PXYLP1: variants seen among roughly 807,000 people sequenced by gnomAD.
PXYLP1 encodes 2-phosphoxylose phosphatase 1, also known as acid phosphatase-like 2.
PXYLP1 carries 17 observed loss-of-function variants against 37.9 expected under a neutral mutation model. The observed-to-expected ratio is 0.45, with a 90% CI of 0.31 to 0.67. PXYLP1 has a LOEUF of 0.67. Ranked by LOEUF, PXYLP1 falls within the 30% of genes least tolerant of loss-of-function variation. The pLI is 0.07. For synonymous variants in PXYLP1, 221 were observed against 232.2 expected, an observed-to-expected ratio of 0.95 and a Z score of 0.44; for missense variants, 511 against 612.0, an observed-to-expected ratio of 0.84 and a Z score of 1.74.
At chr3:141,257,162 G>T (rs865810890) in intron 1 of PXYLP1, among the ~76,000 whole-genome samples, 1 of 152,180 alleles carries the variant, frequency 6.6e-6, no homozygotes, top group African/African-American at 2.4e-5. Context: ...AAGATTCAAG[G>T]CATTTCCCAT....
chr3:141,279,527 G>A, intron 4 of PXYLP1, 23 bp downstream of exon 4: 1 of 1,613,984 alleles, frequency 6.2e-7, no homozygotes, highest in Non-Finnish European at 8.5e-7. Context: ...TTTTCTAAAA[G>A]TCATTTTCAA....
At chr3:141,252,047 G>A (rs1396063229) in intron 1 of PXYLP1, among the ~76,000 whole-genome samples, 1 of 152,198 alleles carries the variant, frequency 6.6e-6, no homozygotes, top group Non-Finnish European at 1.5e-5. Flanking sequence ...TCACTTCATA[G>A]ATGAGGAAAC....
intron 1 of PXYLP1, among the ~76,000 whole-genome samples, chr3:141,233,529 T>C (rs1407876283): frequency 6.7e-6 from 1 of 150,070 alleles, no homozygotes; most frequent in South Asian, 2.1e-4. Flanking sequence ...CGGGACAGCC[T>C]GAAAGCCAGT....
At chr3:141,255,845 G>A (rs963802535) in intron 1 of PXYLP1, among the ~76,000 whole-genome samples, 1 of 152,228 alleles carries the variant, frequency 6.6e-6, no homozygotes, top group African/African-American at 2.4e-5. Context: ...CACAGTGCCA[G>A]AAAGAGCCAG....
chr3:141,236,868 CAT>C (rs1940669214), intron 1 of PXYLP1, among the ~76,000 whole-genome samples: 1 of 152,064 alleles, frequency 6.6e-6, no homozygotes. Context: ...AATCTTAAAA[CAT>C]AGATATAAAT....
chr3:141,260,116 T>G lies in PXYLP1; in HGVS notation c.-53-7T>G. 3 of 1,600,110 alleles carry G rather than the reference T, an allele frequency of 1.9e-6. No individual in the cohort carries two copies. The highest frequency in any genetic ancestry group is 2.6e-6 in the Non-Finnish European group (3 of 1,168,514). ...ACACTCATTTATCACCTCTGCTTTA[T>G]TCACAGGACATGTTCCCGATTTGAG... On this transcript the variant is annotated splice_polypyrimidine_tract_variant and splice_region_variant and intron_variant, in intron 1 of 5. Coordinates refer to ENST00000286353, the MANE Select transcript of PXYLP1 (RefSeq NM_001037172.3).
Position 141,275,292 on chromosome 3 carries a change from C to G in PXYLP1, c.80-3050C>G, listed in dbSNP as rs557474011. 5.9e-5 allele frequency among the ~76,000 whole-genome samples: 9 copies of G among 152,326 alleles called. No homozygotes were observed. The South Asian group carries it at 1.9e-3, about 32-fold the overall frequency. ...TGGGTGGGTCATTTGCACCCAACCA[C>G]CATGGTTCCCAAATGGCAGCCACAA... On this transcript the variant is annotated intron_variant, in intron 2 of 5. Transcript: ENST00000286353.
chr3:141,292,565 A>G lies in PXYLP1; in HGVS notation c.803A>G (p.Asn268Ser). Residue 268 changes from asparagine (N) to serine (S), a missense_variant, in exon 6 of 6, where the codon AAC (asparagine) becomes AGC (serine). Coordinates refer to ENST00000286353, the MANE Select transcript of PXYLP1 (RefSeq NM_001037172.3). This position sits in a 1 kb window ranked among gnomAD's most constrained non-coding sequence, Gnocchi z 4.3. ...CGTCAGTACCTCCTACGTTTGAAAA[A>G]CAGCCAGCTGGAGAAGACCTACGGG... is the stretch of plus-strand genomic sequence containing the variant. The part of the protein sequence containing the change: ...QRRQYLLRLK[N>S]SQLEKTYGEM... The G allele has an allele frequency of 6.2e-7, 1 of 1,614,118 alleles. No individual in the cohort carries two copies. Among genetic ancestry groups the G allele is most frequent in the Non-Finnish European group, 8.5e-7 (1 of 1,180,024 alleles).
intron 4 of PXYLP1, among the ~76,000 whole-genome samples, chr3:141,281,622 C>T (rs1035086669): frequency 9.2e-5 from 14 of 152,074 alleles, no homozygotes; most frequent in Admixed American, 7.2e-4. Context: ...GGGCATGAGC[C>T]AGAAGAGGGG....
At chr3:141,247,965 A>G (rs149377508) in intron 1 of PXYLP1, among the ~76,000 whole-genome samples, 307 of 151,288 alleles carry the variant, frequency 2.0e-3, no homozygotes, top group African/African-American at 7.2e-3. Flanking sequence ...TGTGTGTTTC[A>G]TTACAACTGT....
chr3:141,241,870 G>C (rs1401676514), intron 1 of PXYLP1, among the ~76,000 whole-genome samples: 1 of 152,148 alleles, frequency 6.6e-6, no homozygotes, highest in African/African-American at 2.4e-5. Context: ...GGCTGAGTAG[G>C]AGAGGGGCCC....
chr3:141,234,420 C>T (rs1940610777), intron 1 of PXYLP1: 1 of 152,262 alleles, frequency 6.6e-6, no homozygotes, highest in South Asian at 2.1e-4. Flanking sequence ...GCCCCAGTCC[C>T]CTTTAACATT....
intron 2 of PXYLP1, among the ~76,000 whole-genome samples, chr3:141,277,269 G>A (rs1214214075): frequency 4.6e-5 from 7 of 152,236 alleles, no homozygotes; most frequent in Admixed American, 3.3e-4. Context: ...TCGTGCGCAT[G>A]TGTAGATATT....
At chr3:141,271,189 G>A (rs1454171878) in intron 2 of PXYLP1, among the ~76,000 whole-genome samples, 1 of 152,188 alleles carries the variant, frequency 6.6e-6, no homozygotes, top group Non-Finnish European at 1.5e-5. Context: ...AGGAAATGAG[G>A]CACAGAGAGG....
rs1438395206 is a variant in PXYLP1, at chr3:141,273,578, T to C, written c.80-4764T>C. 1.6e-5 allele frequency: 16 copies of C among 985,166 alleles called. No homozygotes were observed. The African/African-American group carries it at 1.7e-4, about 11-fold the overall frequency. 61.0% of individuals were successfully genotyped at this position (985,166 alleles called of 1,614,324 possible). On this transcript the variant is annotated intron_variant, in intron 2 of 5. Coordinates refer to ENST00000286353, the MANE Select transcript of PXYLP1 (RefSeq NM_001037172.3). ...TTGTTTTACTCATGATTCTAAGAAA[T>C]TTGTTGGTTGCTTTTGAGAGGGAGG... is the stretch of plus-strand genomic sequence containing the variant.
intron 2 of PXYLP1, chr3:141,262,190 C>A: frequency 2.7e-6 from 2 of 740,768 alleles, no homozygotes; most frequent in Non-Finnish European, 3.3e-6. Flanking sequence ...ATGCATATGA[C>A]AGCCTATTTC....
intron 5 of PXYLP1, chr3:141,291,517 A>C (rs1177203942): frequency 6.6e-6 from 1 of 152,188 alleles, no homozygotes; most frequent in Non-Finnish European, 1.5e-5. Flanking sequence ...CAACTTTCCA[A>C]AGTTTCTTTA....
At chr3:141,285,351 T>C (rs912745945) in intron 4 of PXYLP1, among the ~76,000 whole-genome samples, 1 of 151,666 alleles carries the variant, frequency 6.6e-6, no homozygotes, top group African/African-American at 2.4e-5. Context: ...CTCACTATGT[T>C]GGCCAGTCTC....
intron 4 of PXYLP1, among the ~76,000 whole-genome samples, chr3:141,284,647 T>C (rs1559895898): frequency 6.6e-6 from 1 of 152,322 alleles, no homozygotes; most frequent in East Asian, 1.9e-4. Flanking sequence ...CATTCTCCCA[T>C]GTACTTTACA....
Sources: allele counts gnomAD v4.1 joint callset (sites outside exome capture counted in the v4.1 genomes callset), GRCh38; gene constraint gnomAD v4.1.1; non-coding constraint Gnocchi (gnomAD v3.1); transcripts MANE v1.5; gene names NCBI Gene and HGNC (gene_info 2026-07-23, HGNC 2026-07-21).